The following ZFP62 variants were observed in gnomAD, a reference collection of about 807,000 sequenced individuals.
ZFP62 encodes the protein ZFP62 zinc finger protein.
ZFP62 carries 44 observed loss-of-function variants against 56.4 expected under a neutral mutation model. The ratio of observed to expected loss-of-function variants is 0.78; its 90% CI spans 0.61 to 1.00. ZFP62 has a LOEUF of 1.00. ZFP62 is among the 50% of genes least tolerant of loss of function. ZFP62 has a pLI of 0.00. For synonymous variants in ZFP62, 421 were observed against 388.9 expected, an observed-to-expected ratio of 1.08 and a Z score of -0.97; for missense variants, 1,030 against 1,085.7, an observed-to-expected ratio of 0.95 and a Z score of 0.72.
rs1159542858 is a variant in ZFP62, at chr5:180,850,961, G to C, written c.534C>G (p.Phe178Leu). The change falls in exon 2 of 2, where the codon TTC (phenylalanine) becomes TTG (leucine). Residue 178 changes from phenylalanine (F) to leucine (L), a missense_variant. Phe to Leu is a conservative substitution (Grantham distance 22). Transcript: ENST00000502412. ...RYECDDCGGT[F>L]RSSSSLRVHK... is the part of the protein sequence containing the mutation. ...GGACCCGAAGGCTCGAGCTGCTCCG[G>C]AAAGTCCCTCCACAGTCATCACATT... 1.9e-6 allele frequency: 3 copies of C among 1,554,150 alleles called. No homozygotes were observed. The highest frequency in any genetic ancestry group is 2.4e-5 in the South Asian group (2 of 84,192).
At chr5:180,828,587 C>A in the ZFP62 span, among the ~76,000 whole-genome samples, 1 of 152,222 alleles carries the variant, frequency 6.6e-6, no homozygotes, top group Non-Finnish European at 1.5e-5. Flanking sequence ...ATCTCTTAAT[C>A]CTGTTATCTT....
chr5:180,835,301 T>G, the ZFP62 span: 1 of 152,268 alleles, frequency 6.6e-6, no homozygotes, highest in Non-Finnish European at 1.5e-5. Context: ...CTCATGCCCT[T>G]GTACCACACA....
the ZFP62 span, among the ~76,000 whole-genome samples, chr5:180,841,481 GGGGCTGT>G: frequency 7.9e-5 from 12 of 152,096 alleles, no homozygotes; most frequent in African/African-American, 9.7e-5. Flanking sequence ...AATACAAAGA[GGGGCTGT>G]GGGCTGTGGG....
the ZFP62 span, among the ~76,000 whole-genome samples, chr5:180,842,047 C>T: frequency 2.0e-5 from 3 of 151,954 alleles, no homozygotes; most frequent in African/African-American, 7.3e-5. Flanking sequence ...ACTCCGTCTC[C>T]AGAAAAAAGG....
chr5:180,848,845 T>C lies in ZFP62; in HGVS notation c.2650A>G (p.Thr884Ala). 6.5e-7 allele frequency: 1 copy of C among 1,549,524 alleles called. No individual in the cohort carries two copies. Among genetic ancestry groups the C allele is most frequent in the South Asian group, 1.2e-5 (1 of 83,976 alleles). ...GSYSGTSQKRTYEGGNALDGG... is the reference protein window; with the variant it reads ...GSYSGTSQKRAYEGGNALDGG... ...TCCAGGGCATTCCCTCCCTCATAGG[T>C]TCTCTTCTGGGATGTGCCACTATAA... Residue 884 changes from threonine to alanine, a missense_variant, in exon 2 of 2, where the codon ACC becomes GCC. By Grantham distance (58) the Thr-to-Ala change is moderately conservative. Transcript: ENST00000502412.
chr5:180,849,297 T>A lies in ZFP62; in HGVS notation c.2198A>T (p.Glu733Val). Residue 733 changes from glutamate (E) to valine (V), a missense_variant, in exon 2 of 2, where the codon GAG becomes GTG. Glu to Val is a moderately radical substitution (Grantham distance 121). Transcript: ENST00000502412. ...GCTGTAACTGAAAGATTTCCCACAC[T>A]CAACACACTTGAAGGGTTTCTCCCC... ...HLGEKPFKCV[E>V]CGKSFSYSSL... 1.3e-6 allele frequency: 2 copies of A among 1,552,492 alleles called. No homozygotes were observed. Among genetic ancestry groups the A allele is most frequent in the Non-Finnish European group, 1.7e-6 (2 of 1,147,322 alleles).
At chr5:180,831,926 AGACCCCTGT>A in the ZFP62 span, 3 of 152,694 alleles carry the variant, frequency 2.0e-5, no homozygotes, top group Admixed American at 2.0e-4. Context: ...TGTCTTTCCC[AGACCCCTGT>A]GACCAGGTCA....
In ZFP62 at chr5:180,848,681, A is replaced by G; in HGVS notation, c.*111T>C. ...TAGAAAGGATTCCTCATAATCCTCT[A>G]GGATGGTTTCATTTACACTGTGTAA... On this transcript the variant is annotated 3_prime_UTR_variant, in exon 2 of 2. Transcript: ENST00000502412. 1.4e-6 allele frequency: 2 copies of G among 1,421,428 alleles called. No individual in the cohort carries two copies. The highest frequency in any genetic ancestry group is 1.8e-6 in the Non-Finnish European group (2 of 1,084,850). 88.1% of individuals were successfully genotyped at this position (1,421,428 alleles called of 1,614,324 possible). A position where few individuals can be genotyped will look rare whatever the true frequency, so the allele number is the denominator to read the frequency against.
chr5:180,832,103 A>T, the ZFP62 span, among the ~76,000 whole-genome samples: 1 of 148,592 alleles, frequency 6.7e-6, no homozygotes, highest in Admixed American at 6.6e-5. Context: ...ACAAAAAACA[A>T]AAAACACAAC....
the ZFP62 span, among the ~76,000 whole-genome samples, chr5:180,836,175 G>T: frequency 6.6e-6 from 1 of 152,222 alleles, no homozygotes. Context: ...TCACACAACG[G>T]CCTAACGATG....
chr5:180,827,348 T>G, the ZFP62 span, among the ~76,000 whole-genome samples: 1 of 152,218 alleles, frequency 6.6e-6, no homozygotes, highest in African/African-American at 2.4e-5. Context: ...CATTCTGTTC[T>G]GTACTAAGAA....
the ZFP62 span, among the ~76,000 whole-genome samples, chr5:180,841,234 G>C: frequency 6.8e-6 from 1 of 147,516 alleles, no homozygotes; most frequent in African/African-American, 2.5e-5. Context: ...ATGGCAGTGT[G>C]CTATATCCAT....
intron 1 of ZFP62, among the ~76,000 whole-genome samples, chr5:180,860,283 CT>C (rs1774232063): frequency 6.6e-6 from 1 of 152,196 alleles, no homozygotes; most frequent in South Asian, 2.1e-4. Flanking sequence ...GGGAAGAAAT[CT>C]TTCACTGGTA....
chr5:180,850,569 T>C lies in ZFP62; in HGVS notation c.926A>G (p.Tyr309Cys). 6.4e-7 allele frequency: 1 copy of C among 1,558,760 alleles called. No homozygotes were observed. The highest frequency in any genetic ancestry group is 8.7e-7 in the Non-Finnish European group (1 of 1,151,310). ...HKRIHTGEKP[Y>C]ECDECGKAFI... is the part of the protein sequence containing the mutation. The stretch of plus-strand genomic sequence containing the variant: ...GGCCTTCCCACACTCATCACATTCG[T>C]AAGGTTTCTCACCTGTGTGGATCCT... Residue 309 changes from tyrosine (Y) to cysteine (C), a missense_variant, in exon 2 of 2, where the codon TAC becomes TGC. Tyr to Cys is a radical substitution (Grantham distance 194). Transcript: ENST00000502412.
At chr5:180,845,412 A>G (rs1773392980), downstream of ZFP62, among the ~76,000 whole-genome samples, 2 of 149,826 alleles carry the variant, frequency 1.3e-5, no homozygotes, top group South Asian at 4.3e-4. Context: ...TCATCTGGAA[A>G]TAAGTGAAAG....
the ZFP62 span, among the ~76,000 whole-genome samples, chr5:180,833,615 C>T: frequency 2.0e-5 from 3 of 152,036 alleles, no homozygotes; most frequent in African/African-American, 7.3e-5. Flanking sequence ...ACCACGATCT[C>T]AGACTTCTAA....
At chr5:180,853,565 T>C (rs894684252) in intron 1 of ZFP62, among the ~76,000 whole-genome samples, 9 of 152,108 alleles carry the variant, frequency 5.9e-5, no homozygotes, top group Non-Finnish European at 7.4e-5. Context: ...TCAGTGAGGA[T>C]GGGAAAGGAG....
At chr5:180,858,257 C>CAAAAA (rs1159409435) in intron 1 of ZFP62, among the ~76,000 whole-genome samples, 13 of 40,252 alleles carry the variant, frequency 3.2e-4, no homozygotes, top group Admixed American at 4.3e-4. Context: ...AACTCTGTCT[C>CAAAAA]AAAAAAAAAA....
the ZFP62 span, among the ~76,000 whole-genome samples, chr5:180,837,302 C>T: frequency 6.6e-6 from 1 of 152,212 alleles, no homozygotes; most frequent in African/African-American, 2.4e-5. Context: ...TTATTCACTG[C>T]GTGTGACATC....
Sources: allele counts gnomAD v4.1 joint callset (sites outside exome capture counted in the v4.1 genomes callset), GRCh38; gene constraint gnomAD v4.1.1; transcripts MANE v1.5; gene names NCBI Gene and HGNC (gene_info 2026-07-23, HGNC 2026-07-21).